The following TMEM144 variants were observed in gnomAD, a reference collection of about 807,000 sequenced individuals.
The protein encoded by TMEM144 is transmembrane protein 144.
TMEM144 carries 39 observed loss-of-function variants against 43.6 expected under a neutral mutation model. The observed-to-expected ratio is 0.90, with a 90% confidence interval of 0.69 to 1.17. The LOEUF is 1.17. Ranked by LOEUF, TMEM144 falls within the 50% of genes most tolerant of loss-of-function variation. TMEM144 has a pLI of 0.00. For missense variants in TMEM144, 417 were observed against 411.9 expected (o/e 1.01, Z -0.11); for synonymous variants, 154 against 133.6 (o/e 1.15, Z -1.06).
At chr4:158,221,989 TTCTC>T (rs1244050528) in intron 6 of TMEM144, among the ~76,000 whole-genome samples, 2 of 152,196 alleles carry the variant, frequency 1.3e-5, no homozygotes, top group Non-Finnish European at 2.9e-5. Context: ...TCTTCCTGAG[TTCTC>T]TCTCTCCATA....
intron 12 of TMEM144, among the ~76,000 whole-genome samples, chr4:158,251,745 C>CT (rs1446439746): frequency 6.6e-6 from 1 of 152,042 alleles, no homozygotes; most frequent in East Asian, 1.9e-4. Flanking sequence ...AAATTGTTAC[C>CT]TTTTTCCAGG....
intron 12 of TMEM144, among the ~76,000 whole-genome samples, chr4:158,249,031 C>T (rs1471322808): frequency 1.3e-5 from 2 of 152,094 alleles, no homozygotes; most frequent in Non-Finnish European, 2.9e-5. Flanking sequence ...CTCAGCCTCC[C>T]GAGTAGCTGG....
intron 9 of TMEM144, among the ~76,000 whole-genome samples, 192 bp from the exon 10 acceptor site, chr4:158,240,107 G>A (rs1031861384): frequency 3.9e-5 from 6 of 152,012 alleles, no homozygotes; most frequent in Admixed American, 3.3e-4. Flanking sequence ...GGACAGTCTC[G>A]ATCTCCTGAC....
chr4:158,219,337 A>G lies in TMEM144; in HGVS notation c.360A>G (p.Glu120=), dbSNP rs950295868. ...TTGGCTGGTTTGGATTGGATGCAGAAGAAGTATCAAATCCGCTGCTAAATT... is the reference window on the plus strand; with the variant it reads ...TTGGCTGGTTTGGATTGGATGCAGAGGAAGTATCAAATCCGCTGCTAAATT... ...SRFGWFGLDA[E]EVSNPLLNYI... is the part of the protein sequence containing the mutation. Residue 120 remains glutamate (E), a synonymous_variant, in exon 6 of 13, where the codon GAA becomes GAG. Coordinates refer to ENST00000296529, the MANE Select transcript of TMEM144 (RefSeq NM_018342.5). 13 of 1,613,806 alleles carry G rather than the reference A, an allele frequency of 8.1e-6. No homozygotes were observed. In the African/African-American group the frequency reaches 1.7e-4, roughly 22 times the overall value.
intron 11 of TMEM144, among the ~76,000 whole-genome samples, chr4:158,242,539 T>A (rs1448321189): frequency 4.6e-5 from 7 of 152,244 alleles, no homozygotes; most frequent in Admixed American, 4.6e-4. Flanking sequence ...ACATTTTAAA[T>A]ATCCCAGCAG....
At chr4:158,246,128 T>C (rs1735882356) in intron 12 of TMEM144, among the ~76,000 whole-genome samples, 1 of 152,176 alleles carries the variant, frequency 6.6e-6, no homozygotes, top group Admixed American at 6.5e-5. Flanking sequence ...TTAAAATGTT[T>C]AATCTTTTTT....
chr4:158,235,552 G>A lies in TMEM144; in HGVS notation c.563+47G>A, dbSNP rs760797129. ...GCTCTATTACTCTGTTTCATATTTG[G>A]TTAAAGCAGGGATTACCAGCATGAA... On this transcript the variant is annotated intron_variant, in intron 8 of 12. Coordinates refer to ENST00000296529, the MANE Select transcript of TMEM144 (RefSeq NM_018342.5). 6 of 1,545,596 alleles carry A rather than the reference G, an allele frequency of 3.9e-6. No individual in the cohort carries two copies. In the East Asian group the frequency reaches 9.1e-5, roughly 24 times the overall value.
At chr4:158,244,400 C>A (rs1350528693) in intron 12 of TMEM144, 51 bp downstream of exon 12, 2 of 1,488,066 alleles carry the variant, frequency 1.3e-6, no homozygotes, top group East Asian at 2.3e-5. Flanking sequence ...GTAGGCCGGG[C>A]GTGGTGGCTC....
intron 6 of TMEM144, among the ~76,000 whole-genome samples, chr4:158,231,590 G>A (rs973587129): frequency 3.3e-5 from 5 of 152,118 alleles, no homozygotes; most frequent in African/African-American, 4.8e-5. Context: ...TGGCCCAAGG[G>A]GAAGTTTTTT....
chr4:158,244,397 G>A (rs779692421), intron 12 of TMEM144, 48 bp downstream of exon 12: 70 of 1,504,848 alleles, frequency 4.7e-5, no homozygotes, highest in African/African-American at 5.5e-5. Flanking sequence ...GGGGTAGGCC[G>A]GGCGTGGTGG....
intron 9 of TMEM144, 118 bp downstream of exon 9, chr4:158,237,761 C>T (rs908225790): frequency 3.1e-5 from 22 of 701,030 alleles, no homozygotes; most frequent in South Asian, 5.0e-5. Flanking sequence ...TTGTAAGTGG[C>T]GAATTAGAAA....
chr4:158,217,273 A>T (rs1734269212), intron 4 of TMEM144, 48 bp from the exon 5 acceptor site: 5 of 1,296,888 alleles, frequency 3.9e-6, no homozygotes, highest in Admixed American at 1.9e-5. Flanking sequence ...TTATAAATGT[A>T]TTTTCTATAT....
chr4:158,250,424 C>A (rs1736144087), intron 12 of TMEM144, among the ~76,000 whole-genome samples: 1 of 151,968 alleles, frequency 6.6e-6, no homozygotes, highest in South Asian at 2.1e-4. Context: ...GGGAAGTAGG[C>A]AAAATGAAAC....
At chr4:158,230,885 G>C (rs1279143172) in intron 6 of TMEM144, among the ~76,000 whole-genome samples, 2 of 152,082 alleles carry the variant, frequency 1.3e-5, no homozygotes, top group Non-Finnish European at 2.9e-5. Context: ...TCAAAGTTCT[G>C]CATGACATGG....
intron 3 of TMEM144, 49 bp downstream of exon 3, chr4:158,212,825 A>G: frequency 2.1e-6 from 3 of 1,457,850 alleles, no homozygotes; most frequent in Non-Finnish European, 1.9e-6. Flanking sequence ...TTAAAAATGA[A>G]GTTCCTTTTT....
intron 1 of TMEM144, 111 bp from the exon 2 acceptor site, chr4:158,211,342 C>G (rs1200992243): frequency 6.6e-6 from 1 of 152,214 alleles, no homozygotes; most frequent in Non-Finnish European, 1.5e-5. Flanking sequence ...GAAGGTTAGA[C>G]ATTCTCTTCT....
intron 6 of TMEM144, among the ~76,000 whole-genome samples, chr4:158,226,521 TA>T (rs1316699839): frequency 6.6e-6 from 1 of 152,202 alleles, no homozygotes; most frequent in African/African-American, 2.4e-5. Context: ...AAAATATACA[TA>T]TTTTTAACCT....
chr4:158,230,853 G>C (rs1315018786), intron 6 of TMEM144, among the ~76,000 whole-genome samples: 2 of 152,046 alleles, frequency 1.3e-5, no homozygotes, highest in Non-Finnish European at 2.9e-5. Context: ...AGGTTGACAA[G>C]ACAAAAACAT....
intron 10 of TMEM144, 121 bp downstream of exon 10, chr4:158,240,539 GT>G (rs1735582176): frequency 9.6e-6 from 10 of 1,044,784 alleles, no homozygotes; most frequent in Admixed American, 2.7e-5. Flanking sequence ...GTGTGTGTGT[GT>G]TGTGTGTGTG....
Sources: allele counts gnomAD v4.1 joint callset (sites outside exome capture counted in the v4.1 genomes callset), GRCh38; gene constraint gnomAD v4.1.1; transcripts MANE v1.5; gene names NCBI Gene and HGNC (gene_info 2026-07-23, HGNC 2026-07-21).